The following TIMP2 variants were observed in gnomAD, a reference collection of about 807,000 sequenced individuals.
TIMP2 encodes the protein metalloproteinase inhibitor 2.
In TIMP2, 5 loss-of-function variants were observed where a neutral mutation model predicts 24.3. The observed-to-expected ratio is 0.21, with a 90% CI of 0.11 to 0.43. TIMP2 has a LOEUF of 0.43. TIMP2 is among the 20% of genes least tolerant of loss of function. The probability of loss-of-function intolerance (pLI) is 1.00; values close to 1 mark genes in which losing one functional copy is unlikely to be tolerated. For synonymous variants in TIMP2, 130 were observed against 123.2 expected (o/e 1.06, Z -0.37); for missense variants, 221 against 297.5 (o/e 0.74, Z 1.89).
intron 1 of TIMP2, among the ~76,000 whole-genome samples, chr17:78,923,059 G>A (rs965381416): frequency 2.0e-5 from 3 of 152,046 alleles, no homozygotes; most frequent in African/African-American, 4.8e-5. Context: ...TTGTCACAGC[G>A]GCCACAGGAA....
At chr17:78,883,144 G>A (rs1338280802) in intron 1 of TIMP2, among the ~76,000 whole-genome samples, 3 of 152,198 alleles carry the variant, frequency 2.0e-5, no homozygotes, top group South Asian at 2.1e-4. Context: ...CAACCTCCTC[G>A]GCCCCCGGAA....
Position 78,920,921 on chromosome 17 carries a change from C to A in TIMP2, c.130+4038G>T, listed in dbSNP as rs1568010234. Among the ~76,000 whole-genome samples the A allele has an allele frequency of 6.6e-6, 1 of 152,126 alleles. No homozygotes were observed. Among genetic ancestry groups the A allele is most frequent in the African/African-American group, 2.4e-5 (1 of 41,420 alleles). On this transcript the variant is annotated intron_variant, in intron 1 of 4. Coordinates refer to ENST00000262768, the MANE Select transcript of TIMP2 (RefSeq NM_003255.5). The surrounding 1 kb of genome is among the most constrained non-coding windows in gnomAD (Gnocchi z 4.5). ...TGCTTCTCCCTTACATCCCCGGGGGCAGAGGCAGCCACTCCATAATTGCTT... is the reference window on the plus strand; with the variant it reads ...TGCTTCTCCCTTACATCCCCGGGGGAAGAGGCAGCCACTCCATAATTGCTT...
At position 78,858,009 on chromosome 17, in the gene TIMP2, T is replaced by C. The variant is rs537878139; in HGVS notation, c.341-363A>G. On this transcript the variant is annotated intron_variant, in intron 3 of 4. Transcript: ENST00000262768. Reference sequence around the variant, plus strand: ...CGCTCTTGCACCCCAGAGGCGGAAGTTGCAGTGAGCCGAGATCGCGCCACT... The same window carrying C: ...CGCTCTTGCACCCCAGAGGCGGAAGCTGCAGTGAGCCGAGATCGCGCCACT... Among the ~76,000 whole-genome samples, 3 of 151,856 alleles carry C rather than the reference T, an allele frequency of 2.0e-5. No individual in the cohort carries two copies. The South Asian group carries it at 6.2e-4, about 32-fold the overall frequency.
intron 1 of TIMP2, among the ~76,000 whole-genome samples, chr17:78,916,313 C>T (rs185135460): frequency 6.6e-5 from 10 of 152,190 alleles, no homozygotes. Context: ...CAGTTCCCCT[C>T]GCTACTGCTG....
rs567944886 is a variant in TIMP2 at position 78,900,586 on chromosome 17, T to A, written c.130+24373A>T. Among the ~76,000 whole-genome samples, 3 of 150,550 alleles carry A rather than the reference T, an allele frequency of 2.0e-5. No homozygotes were observed. In the South Asian group the frequency reaches 6.3e-4, roughly 31 times the overall value. On this transcript the variant is annotated intron_variant, in intron 1 of 4. Transcript: ENST00000262768. ...GTGTTTTTTAATAAAGTAAGTAGAG[T>A]CCGAGGTGGTGGTGGGCTCTTCCAC... is the stretch of plus-strand genomic sequence containing the variant.
rs954844463 is a variant in TIMP2, at chr17:78,896,692, C to A, written c.131-22773G>T. Among the ~76,000 whole-genome samples, 4 of 152,114 alleles carry A rather than the reference C, an allele frequency of 2.6e-5. No homozygotes were observed. Among genetic ancestry groups the A allele is most frequent in the African/African-American group, 9.7e-5 (4 of 41,414 alleles). ...TCAACCACTCAGAGAAACCACAGCT[C>A]CCCCCTCCGCAGAAGCCGCGCTCGG... On this transcript the variant is annotated intron_variant, in intron 1 of 4. Transcript: ENST00000262768. The surrounding 1 kb of genome is among the most constrained non-coding windows in gnomAD (Gnocchi z 4.4).
At chr17:78,912,688 G>C (rs1362974493) in intron 1 of TIMP2, among the ~76,000 whole-genome samples, 5 of 152,212 alleles carry the variant, frequency 3.3e-5, no homozygotes, top group Admixed American at 6.5e-5. Context: ...CGGGGAGAGA[G>C]GAGCCAGCCA....
At chr17:78,895,055 C>T (rs1399891920) in intron 1 of TIMP2, among the ~76,000 whole-genome samples, 3 of 152,092 alleles carry the variant, frequency 2.0e-5, no homozygotes, top group East Asian at 1.9e-4. Flanking sequence ...CTGAGGCGGG[C>T]GGATCACTTG....
chr17:78,894,186 A>C (rs1325583082), intron 1 of TIMP2, among the ~76,000 whole-genome samples: 1 of 151,378 alleles, frequency 6.6e-6, no homozygotes, highest in Non-Finnish European at 1.5e-5. Context: ...TGAGATACGA[A>C]GCTCCTACCC....
rs138743130 is a variant in TIMP2 at position 78,896,635 on chromosome 17, G to A, written c.131-22716C>T. Among the ~76,000 whole-genome samples, 3 of 152,014 alleles carry A rather than the reference G, an allele frequency of 2.0e-5. No homozygotes were observed. The highest frequency in any genetic ancestry group is 2.1e-4 in the South Asian group (1 of 4,822). On this transcript the variant is annotated intron_variant, in intron 1 of 4. Transcript: ENST00000262768. The surrounding 1 kb of genome is among the most constrained non-coding windows in gnomAD (Gnocchi z 4.4). Reference sequence around the variant, plus strand: ...TGCTGCCCTCTGGTCCTGCCACCCCGAGCTGACAAGCCTGCCTTCTGCTGG... The same window carrying A: ...TGCTGCCCTCTGGTCCTGCCACCCCAAGCTGACAAGCCTGCCTTCTGCTGG...
At position 78,925,112 on chromosome 17, in the gene TIMP2, CG is replaced by C; in HGVS notation, c.-25del. The C allele has an allele frequency of 1.1e-4, 3 of 27,410 alleles. No homozygotes were observed. The highest frequency in any genetic ancestry group is 2.0e-4 in the Non-Finnish European group (3 of 15,056). 1.7% of individuals were successfully genotyped at this position (27,410 alleles called of 1,614,324 possible). A position where few individuals can be genotyped will look rare whatever the true frequency, so the allele number is the denominator to read the frequency against. On this transcript the variant is annotated 5_prime_UTR_variant, in exon 1 of 5. Coordinates refer to ENST00000262768, the MANE Select transcript of TIMP2 (RefSeq NM_003255.5). ...ATGGCGGGCCGGGGGGCTGGGCGGG[CG>C]GGGGCCGCCGCTGGGGGGTCCGGGC...
In TIMP2 at chr17:78,924,120, C is replaced by G. The variant is rs933784185; in HGVS notation, c.130+839G>C. 1.3e-5 allele frequency among the ~76,000 whole-genome samples: 2 copies of G among 152,220 alleles called. No homozygotes were observed. The highest frequency in any genetic ancestry group is 2.4e-5 in the African/African-American group (1 of 41,464). The stretch of plus-strand genomic sequence containing the variant: ...CCTCCCATTTCTGCTGGTCCTCCCC[C>G]TCCATGGATCAGAACAAATAACTGG... On this transcript the variant is annotated intron_variant, in intron 1 of 4. Coordinates refer to ENST00000262768, the MANE Select transcript of TIMP2 (RefSeq NM_003255.5). This position sits in a 1 kb window ranked among gnomAD's most constrained non-coding sequence, Gnocchi z 5.3.
intron 1 of TIMP2, chr17:78,902,705 G>T (rs1463186643): frequency 6.6e-6 from 1 of 152,240 alleles, no homozygotes; most frequent in African/African-American, 2.4e-5. Context: ...TCCCCACGTG[G>T]GGGGCTTACA....
chr17:78,862,448 A>T (rs1237209943), intron 3 of TIMP2, among the ~76,000 whole-genome samples: 1 of 152,230 alleles, frequency 6.6e-6, no homozygotes, highest in Non-Finnish European at 1.5e-5. Flanking sequence ...CACTGTGGCC[A>T]TTAACAGCTT....
rs1168596027 is a variant in TIMP2 at position 78,924,387 on chromosome 17, C to T, written c.130+572G>A. Among the ~76,000 whole-genome samples, 1 of 152,244 alleles carries T rather than the reference C, an allele frequency of 6.6e-6. No individual in the cohort carries two copies. The highest frequency in any genetic ancestry group is 1.5e-5 in the Non-Finnish European group (1 of 68,042). ...CAAGGAGCCACGCCAGGAGACGCCA[C>T]CGGCTTTTTCACCTGCCCCTCTGGG... On this transcript the variant is annotated intron_variant, in intron 1 of 4. Transcript: ENST00000262768. This position sits in a 1 kb window ranked among gnomAD's most constrained non-coding sequence, Gnocchi z 5.3.
intron 1 of TIMP2, chr17:78,890,761 G>A (rs1484792723): frequency 1.2e-5 from 18 of 1,550,524 alleles, no homozygotes; most frequent in African/African-American, 4.1e-5. Flanking sequence ...GCCGGTCGTC[G>A]TCGGCGAGGC....
At chr17:78,919,751 C>T (rs2070294540) in intron 1 of TIMP2, among the ~76,000 whole-genome samples, 2 of 152,112 alleles carry the variant, frequency 1.3e-5, no homozygotes, top group African/African-American at 2.4e-5. Context: ...AGGAGAATGG[C>T]GTGAACCCGG....
At chr17:78,893,490 GGT>G (rs2069950236) in intron 1 of TIMP2, among the ~76,000 whole-genome samples, 2 of 149,142 alleles carry the variant, frequency 1.3e-5, no homozygotes, top group South Asian at 2.1e-4. Context: ...TGTGTGCAGG[GGT>G]GTGTGCGCGC....
Position 78,924,965 on chromosome 17 carries a change from C to G in TIMP2, c.124G>C (p.Asp42His). The G allele has an allele frequency of 7.7e-7, 1 of 1,298,512 alleles. No individual in the cohort carries two copies. The highest frequency in any genetic ancestry group is 2.2e-5 in the South Asian group (1 of 45,704). The allele number at this position is 1,298,512 out of a possible 1,614,324, so 80.4% of individuals were successfully genotyped here. ...VHPQQAFCNA[D>H]VVIRAKAVSE... ...TGGGGTCGCCGCTCCTTACCTACAT[C>G]TGCATTGCAAAACGCCTGTTGCGGG... Residue 42 changes from aspartate (D) to histidine (H), a missense_variant, in exon 1 of 5, where the codon GAT (aspartate) becomes CAT (histidine). Physicochemically the swap from Asp to His is moderately conservative, Grantham distance 81. Transcript: ENST00000262768. The surrounding 1 kb of genome is among the most constrained non-coding windows in gnomAD (Gnocchi z 5.3).
Sources: gnomAD v4.1 joint callset for allele counts (sites outside exome capture counted in the v4.1 genomes callset) on GRCh38, gnomAD v4.1.1 for gene constraint, Gnocchi (gnomAD v3.1) non-coding constraint, MANE v1.5 for transcripts, NCBI Gene and HGNC (gene_info 2026-07-23, HGNC 2026-07-21) for gene names.